The following FYN variants were observed in gnomAD, a reference collection of about 807,000 sequenced individuals.
FYN encodes the protein FYN proto-oncogene, Src family tyrosine kinase, also known as tyrosine-protein kinase Fyn.
A neutral mutation model predicts 70.2 loss-of-function variants in FYN; 10 were observed. That is an observed-to-expected ratio of 0.14 (90% confidence interval 0.09 to 0.24). The LOEUF is 0.24. FYN is among the 10% of genes least tolerant of loss of function. The pLI is 1.00. For synonymous variants in FYN, 236 were observed against 248.6 expected, an observed-to-expected ratio of 0.95 and a Z score of 0.48; for missense variants, 319 against 673.1, an observed-to-expected ratio of 0.47 and a Z score of 5.82.
At chr6:111,684,760 C>T (rs536801167) in intron 12 of FYN, among the ~76,000 whole-genome samples, 40 of 152,242 alleles carry the variant, frequency 2.6e-4, no homozygotes, top group Non-Finnish European at 5.3e-4. Flanking sequence ...TGGGCATCTC[C>T]TGAAACTGTG....
intron 5 of FYN, among the ~76,000 whole-genome samples, chr6:111,709,764 AC>A (rs1800279176): frequency 6.6e-6 from 1 of 152,176 alleles, no homozygotes; most frequent in Non-Finnish European, 1.5e-5. Context: ...CCGTGAACCC[AC>A]TGCCCAACTT....
intron 1 of FYN, among the ~76,000 whole-genome samples, chr6:111,857,772 A>G (rs1359317096): frequency 6.6e-6 from 1 of 152,192 alleles, no homozygotes; most frequent in East Asian, 1.9e-4. Context: ...CAGGGCAATC[A>G]GTCAAATTAA....
chr6:111,866,455 C>T (rs1449920619), intron 1 of FYN, among the ~76,000 whole-genome samples: 1 of 152,234 alleles, frequency 6.6e-6, no homozygotes, highest in Non-Finnish European at 1.5e-5. Context: ...GATTCGCCTG[C>T]CTCAGGCTCC....
chr6:111,855,815 T>C (rs184781936), intron 1 of FYN, among the ~76,000 whole-genome samples: 21 of 152,342 alleles, frequency 1.4e-4, no homozygotes, highest in Admixed American at 4.6e-4. Context: ...ACTGCAGTTA[T>C]TGAAAATAAG....
In FYN at chr6:111,780,642, A is replaced by AACAAT. The variant is rs1771139319; in HGVS notation, c.-81-12_-81-8dup. On this transcript the variant is annotated splice_region_variant and splice_polypyrimidine_tract_variant and intron_variant, in intron 2 of 13. Transcript: ENST00000354650. The stretch of plus-strand genomic sequence containing the variant: ...AACAGAGGCAGGACTGGTCCTGAAA[A>AACAAT]ACAATACCACAACAAAAGAAAAACC... 6.6e-6 allele frequency: 1 copy of AACAAT among 152,604 alleles called. No homozygotes were observed. Among genetic ancestry groups the AACAAT allele is most frequent in the Admixed American group, 6.5e-5 (1 of 15,286 alleles). The allele number at this position is 152,604 out of a possible 1,614,324, so 9.5% of individuals were successfully genotyped here.
At chr6:111,717,732 G>T (rs1228318845) in intron 4 of FYN, among the ~76,000 whole-genome samples, 5 of 152,186 alleles carry the variant, frequency 3.3e-5, no homozygotes, top group African/African-American at 2.4e-5. Context: ...CCAAAGTGCT[G>T]GGATTACAGG....
At chr6:111,755,561 G>A (rs936466961) in intron 3 of FYN, among the ~76,000 whole-genome samples, 3 of 152,132 alleles carry the variant, frequency 2.0e-5, no homozygotes, top group Non-Finnish European at 2.9e-5. Context: ...AGCCCCCATC[G>A]GAGAATATGC....
chr6:111,706,051 G>A (rs1800075653), intron 6 of FYN, among the ~76,000 whole-genome samples: 1 of 152,174 alleles, frequency 6.6e-6, no homozygotes, highest in Non-Finnish European at 1.5e-5. Flanking sequence ...TGGTGTTGCA[G>A]ATATTTCAAT....
chr6:111,856,556 T>C (rs1385201660), intron 1 of FYN, among the ~76,000 whole-genome samples: 1 of 152,148 alleles, frequency 6.6e-6, no homozygotes, highest in East Asian at 1.9e-4. Context: ...TATGGACATA[T>C]GTTTTTAAGT....
chr6:111,820,036 C>T (rs531373377), intron 2 of FYN: 1 of 152,282 alleles, frequency 6.6e-6, no homozygotes, highest in Non-Finnish European at 1.5e-5. Flanking sequence ...CATTACAGGA[C>T]CATGACACAA....
chr6:111,722,840 T>A (rs1801018472), intron 3 of FYN, among the ~76,000 whole-genome samples: 1 of 152,188 alleles, frequency 6.6e-6, no homozygotes, highest in South Asian at 2.1e-4. Context: ...GGTCAAGAAA[T>A]CCTGATTTAC....
intron 3 of FYN, among the ~76,000 whole-genome samples, chr6:111,750,381 C>T (rs2128486275): frequency 6.6e-6 from 1 of 152,286 alleles, no homozygotes; most frequent in South Asian, 2.1e-4. Flanking sequence ...AGATGCCTCG[C>T]TTCCCCTTTG....
chr6:111,663,241 G>A (rs952030680), intron 13 of FYN, among the ~76,000 whole-genome samples: 1 of 152,246 alleles, frequency 6.6e-6, no homozygotes, highest in East Asian at 1.9e-4. Context: ...CCGATGTCAA[G>A]CCATATAGAA....
intron 1 of FYN, chr6:111,858,194 C>T (rs984002286): frequency 6.6e-6 from 1 of 152,214 alleles, no homozygotes; most frequent in African/African-American, 2.4e-5. Context: ...AAACACACCC[C>T]ACTGCAGGGC....
intron 3 of FYN, among the ~76,000 whole-genome samples, chr6:111,752,382 C>T (rs1039344638): frequency 6.6e-5 from 10 of 152,210 alleles, no homozygotes; most frequent in Admixed American, 2.0e-4. Flanking sequence ...ACAAATAATT[C>T]TATGCAAGAC....
At chr6:111,721,492 C>T (rs1222082581) in intron 3 of FYN, among the ~76,000 whole-genome samples, 1 of 151,898 alleles carries the variant, frequency 6.6e-6, no homozygotes, top group Non-Finnish European at 1.5e-5. Flanking sequence ...TGCAGTGGAG[C>T]GATCTTGGCT....
Position 111,707,919 on chromosome 6 carries a change from T to C in FYN, c.443+3A>G, listed in dbSNP as rs1215605963. On this transcript the variant is annotated splice_donor_region_variant and intron_variant, in intron 6 of 13. Transcript: ENST00000354650. The stretch of plus-strand genomic sequence containing the variant: ...AGTTAAGTGAAAACAAAATGAAACA[T>C]ACTCTTCTGCCTGGATAGAGTCAAC... 1.9e-6 allele frequency: 3 copies of C among 1,608,002 alleles called. No individual in the cohort carries two copies. The highest frequency in any genetic ancestry group is 1.3e-5 in the African/African-American group (1 of 74,800).
chr6:111,720,138 G>A, intron 3 of FYN, 76 bp from the exon 4 acceptor site: 1 of 1,487,740 alleles, frequency 6.7e-7, no homozygotes, highest in South Asian at 1.4e-5. Context: ...TAAACGAGGA[G>A]TAATTGACAA....
intron 2 of FYN, among the ~76,000 whole-genome samples, chr6:111,826,059 C>A (rs548748728): frequency 4.6e-5 from 7 of 152,032 alleles, no homozygotes; most frequent in African/African-American, 1.4e-4. Context: ...AGAGAAAAGG[C>A]GAAGGGAAAA....
Sources: gnomAD v4.1 joint callset for allele counts (sites outside exome capture counted in the v4.1 genomes callset) on GRCh38, gnomAD v4.1.1 for gene constraint, MANE v1.5 for transcripts, NCBI Gene and HGNC (gene_info 2026-07-23, HGNC 2026-07-21) for gene names.